ZNF805: variants seen among roughly 807,000 people sequenced by gnomAD.
The protein encoded by ZNF805 is zinc finger protein 805, also known as CTC-444N24.8.
ZNF805 carries 7 observed loss-of-function variants against 13.6 expected under a neutral mutation model. That is an observed-to-expected ratio of 0.51 (90% CI 0.29 to 0.97). The LOEUF (loss-of-function observed/expected upper bound fraction) is 0.97, where lower values mean the gene tolerates loss of function less well. Among genes scored for constraint, ZNF805 ranks in the 50% least tolerant of loss-of-function variants. ZNF805 has a pLI of 0.08. For missense variants in ZNF805, 604 were observed against 771.0 expected (o/e 0.78, Z 2.57); for synonymous variants, 293 against 279.8 (o/e 1.05, Z -0.47).
At chr19:57,243,113 G>A (rs1251880636) in intron 1 of ZNF805, among the ~76,000 whole-genome samples, 1 of 152,174 alleles carries the variant, frequency 6.6e-6, no homozygotes, top group Non-Finnish European at 1.5e-5. Context: ...CTACTTGGGC[G>A]GCTAAGGCAG....
chr19:57,247,089 T>G (rs1036635663), intron 2 of ZNF805, among the ~76,000 whole-genome samples: 1 of 151,524 alleles, frequency 6.6e-6, no homozygotes, highest in Non-Finnish European at 1.5e-5. Flanking sequence ...TGGAGTGCAG[T>G]GGTGCAAGAT....
In ZNF805 at chr19:57,253,799, G is replaced by A. The variant is rs763044963; in HGVS notation, c.980G>A (p.Arg327Lys). ...GAGTGTGGCAAAGCCTTTCGAGATAGGCCAGGTTTCATTCGACACTACATC... is the reference window on the plus strand; with the variant it reads ...GAGTGTGGCAAAGCCTTTCGAGATAAGCCAGGTTTCATTCGACACTACATC... ...CKECGKAFRD[R>K]PGFIRHYIIH... Residue 327 changes from arginine to lysine, a missense_variant, in exon 4 of 4, where the codon AGG becomes AAG. Coordinates refer to ENST00000414468, the MANE Select transcript of ZNF805 (RefSeq NM_001023563.4). This position sits in a 1 kb window ranked among gnomAD's most constrained non-coding sequence, Gnocchi z 4.4. 1 of 1,613,994 alleles carries A rather than the reference G, an allele frequency of 6.2e-7. No individual in the cohort carries two copies. Among genetic ancestry groups the A allele is most frequent in the Admixed American group, 1.7e-5 (1 of 60,022 alleles).
chr19:57,253,554 C>T lies in ZNF805; in HGVS notation c.735C>T (p.Tyr245=). The T allele has an allele frequency of 1.2e-6, 2 of 1,613,754 alleles. No homozygotes were observed. The highest frequency in any genetic ancestry group is 8.5e-7 in the Non-Finnish European group (1 of 1,179,806). The change falls in exon 4 of 4, where the codon TAC becomes TAT. Residue 245 remains tyrosine, a synonymous_variant. Coordinates refer to ENST00000414468, the MANE Select transcript of ZNF805 (RefSeq NM_001023563.4). The surrounding 1 kb of genome is among the most constrained non-coding windows in gnomAD (Gnocchi z 4.4). ...ECGKTFSKST[Y]LLQHHMVHTG... is the part of the protein sequence containing the mutation. ...GAAAAACCTTTAGCAAGAGTACATA[C>T]CTCCTGCAGCACCACATGGTCCACA...
rs766692795 is a variant in ZNF805, at chr19:57,254,051, G to A, written c.1232G>A (p.Arg411Gln). 1.7e-5 allele frequency: 28 copies of A among 1,612,102 alleles called. No individual in the cohort carries two copies. Among genetic ancestry groups the A allele is most frequent in the Admixed American group, 6.7e-5 (4 of 59,824 alleles). Reference sequence around the variant, plus strand: ...GAGTGTGGGAAGGCTTTCAACCACCGATCCTACCTCAAAAGGCACCAGCGG... The same window carrying A: ...GAGTGTGGGAAGGCTTTCAACCACCAATCCTACCTCAAAAGGCACCAGCGG... ...CLECGKAFNHRSYLKRHQRIH... is the reference protein window; with the variant it reads ...CLECGKAFNHQSYLKRHQRIH... Residue 411 changes from arginine to glutamine, a missense_variant, in exon 4 of 4, where the codon CGA becomes CAA. Arg to Gln is a conservative substitution (Grantham distance 43). Coordinates refer to ENST00000414468, the MANE Select transcript of ZNF805 (RefSeq NM_001023563.4).
chr19:57,240,962 T>C, intron 1 of ZNF805, 41 bp downstream of exon 1: 2 of 1,551,214 alleles, frequency 1.3e-6, no homozygotes, highest in Non-Finnish European at 1.7e-6. Context: ...TTTCTGCTAG[T>C]TCGGGGAAGC....
At position 57,257,732 on chromosome 19, in the gene ZNF805, GTT is replaced by G. The variant is rs1249855452; in HGVS notation, c.*3032_*3033del. Among the ~76,000 whole-genome samples, 9 of 62,792 alleles carry G rather than the reference GTT, an allele frequency of 1.4e-4. No individual in the cohort carries two copies. Among genetic ancestry groups the G allele is most frequent in the Non-Finnish European group, 6.3e-5 (2 of 31,968 alleles). The allele number at this position is 62,792 out of a possible 152,430, so 41.2% of individuals were successfully genotyped here. On this transcript the variant is annotated 3_prime_UTR_variant, in exon 4 of 4. Coordinates refer to ENST00000414468, the MANE Select transcript of ZNF805 (RefSeq NM_001023563.4). Reference sequence around the variant, plus strand: ...TTTTTTTTTTTTTTTTTGAGACGGAGTTTTGTTCTTGTTGCCCAGGCTGGAGT... The same window carrying G: ...TTTTTTTTTTTTTTTTTGAGACGGAGTTGTTCTTGTTGCCCAGGCTGGAGT...
Position 57,246,942 on chromosome 19 carries a change from A to G in ZNF805, c.158-1663A>G, listed in dbSNP as rs74849275. On this transcript the variant is annotated intron_variant, in intron 2 of 3. Coordinates refer to ENST00000414468, the MANE Select transcript of ZNF805 (RefSeq NM_001023563.4). ...AGCCACTCCTGTGAGTCCCTCATCC[A>G]GTTTAACTTACTCAGCACAGATGAA... Among the ~76,000 whole-genome samples, 930 of 152,258 alleles carry G rather than the reference A, an allele frequency of 6.1e-3. 5 individuals are homozygous for G. The highest frequency in any genetic ancestry group is 8.1e-3 in the Non-Finnish European group (548 of 68,030).
At chr19:57,251,420 C>T (rs1481352163) in intron 3 of ZNF805, among the ~76,000 whole-genome samples, 2 of 152,098 alleles carry the variant, frequency 1.3e-5, no homozygotes, top group African/African-American at 4.8e-5. Flanking sequence ...TCTATATTTT[C>T]TTCTGTGAGA....
Position 57,240,939 on chromosome 19 carries a change from C to T in ZNF805, c.30+18C>T, listed in dbSNP as rs544868620. The T allele has an allele frequency of 1.3e-5, 21 of 1,558,414 alleles. No homozygotes were observed. The South Asian group carries it at 1.7e-4, about 12-fold the overall frequency. On this transcript the variant is annotated intron_variant, in intron 1 of 3. Transcript: ENST00000414468. ...CGGCGCAGGTGAGTGGACAAGGTTT[C>T]GGCCTTGCTGCTTTTCTGCTAGTTC...
intron 2 of ZNF805, among the ~76,000 whole-genome samples, chr19:57,247,031 AC>A (rs2087623409): frequency 2.3e-5 from 2 of 86,210 alleles, no homozygotes; most frequent in Admixed American, 1.5e-4. Context: ...TCTCTTGTGA[AC>A]TTTTTTTTTT....
chr19:57,254,107 A>G lies in ZNF805; in HGVS notation c.1288A>G (p.Ser430Gly). 1.9e-6 allele frequency: 3 copies of G among 1,613,920 alleles called. No individual in the cohort carries two copies. Among genetic ancestry groups the G allele is most frequent in the Non-Finnish European group, 1.7e-6 (2 of 1,180,000 alleles). ...IHTGEKPYVC[S>G]ECGKAFTHCS... Reference sequence around the variant, plus strand: ...CACTGGGGAGAAGCCATATGTGTGTAGTGAATGCGGAAAGGCCTTCACCCA... The same window carrying G: ...CACTGGGGAGAAGCCATATGTGTGTGGTGAATGCGGAAAGGCCTTCACCCA... The change falls in exon 4 of 4, where the codon AGT (serine) becomes GGT (glycine). Residue 430 changes from serine (S) to glycine (G), a missense_variant. By Grantham distance (56) the Ser-to-Gly change is moderately conservative. Transcript: ENST00000414468.
Position 57,259,327 on chromosome 19 carries a change from TA to T in ZNF805, c.*4625del, listed in dbSNP as rs923467338. The stretch of plus-strand genomic sequence containing the variant: ...CAGAGGTCTCTTGTGCTTTCATGTT[TA>T]CCCCCTTTTTCTGGTCTATTTTTCC... On this transcript the variant is annotated 3_prime_UTR_variant, in exon 4 of 4. Transcript: ENST00000414468. Among the ~76,000 whole-genome samples the T allele has an allele frequency of 6.6e-6, 1 of 152,190 alleles. No individual in the cohort carries two copies. The highest frequency in any genetic ancestry group is 1.5e-5 in the Non-Finnish European group (1 of 68,042).
chr19:57,254,631 G>C lies in ZNF805; in HGVS notation c.1812G>C (p.Leu604Phe), dbSNP rs775124016. 2.7e-5 allele frequency: 44 copies of C among 1,614,062 alleles called. No individual in the cohort carries two copies. In the South Asian group the frequency reaches 2.9e-4, roughly 10 times the overall value. ...ATGTCACCACTGAGGAAAATCTTTT[G>C]CAAGAGGAAGCATCTTACATGGCAT... is the stretch of plus-strand genomic sequence containing the variant. Reference protein sequence around the residue: ...FLNVTTEENLLQEEASYMASD... With the variant: ...FLNVTTEENLFQEEASYMASD... Residue 604 changes from leucine (L) to phenylalanine (F), a missense_variant, in exon 4 of 4, where the codon TTG becomes TTC. This residue lies in a region of ZNF805 where 49 missense variants were observed against 40.0 expected (regional missense o/e 1.23). Coordinates refer to ENST00000414468, the MANE Select transcript of ZNF805 (RefSeq NM_001023563.4).
rs1372616571 is a variant in ZNF805 at position 57,260,866 on chromosome 19, A to C, written c.*6163A>C. Among the ~76,000 whole-genome samples the C allele has an allele frequency of 6.6e-6, 1 of 152,230 alleles. No individual in the cohort carries two copies. Among genetic ancestry groups the C allele is most frequent in the Non-Finnish European group, 1.5e-5 (1 of 68,048 alleles). On this transcript the variant is annotated 3_prime_UTR_variant, in exon 4 of 4. Coordinates refer to ENST00000414468, the MANE Select transcript of ZNF805 (RefSeq NM_001023563.4). ...TGGCCGTGGGGATGCACCCATAATC[A>C]TCATAAGAGAACACAAATTATTACT...
In ZNF805 at chr19:57,258,206, T is replaced by C. The variant is rs1369317125; in HGVS notation, c.*3503T>C. On this transcript the variant is annotated 3_prime_UTR_variant, in exon 4 of 4. Transcript: ENST00000414468. ...TTAGTAGAGACGGGGTTTCATCATGTTGGTCAGGCTGGTCTCAAACTCCTG... is the reference window on the plus strand; with the variant it reads ...TTAGTAGAGACGGGGTTTCATCATGCTGGTCAGGCTGGTCTCAAACTCCTG... Among the ~76,000 whole-genome samples, 1 of 151,772 alleles carries C rather than the reference T, an allele frequency of 6.6e-6. No homozygotes were observed. Among genetic ancestry groups the C allele is most frequent in the African/African-American group, 2.4e-5 (1 of 41,308 alleles).
chr19:57,243,678 C>T (rs924259291), intron 1 of ZNF805, among the ~76,000 whole-genome samples: 37 of 152,300 alleles, frequency 2.4e-4, no homozygotes, highest in Non-Finnish European at 7.3e-5. Context: ...GTCTACATCT[C>T]GCCATCCACG....
rs191952749 is a variant in ZNF805, at chr19:57,254,410, A to G, written c.1591A>G (p.Ile531Val). Reference protein sequence around the residue: ...CWSTNLIRHSIIHTGEKPYEC... With the variant: ...CWSTNLIRHSVIHTGEKPYEC... ...GAGCACAAACCTCATTCGACACTCT[A>G]TCATCCACACTGGAGAGAAGCCGTA... is the stretch of plus-strand genomic sequence containing the variant. The change falls in exon 4 of 4, where the codon ATC becomes GTC. Residue 531 changes from isoleucine to valine, a missense_variant. Coordinates refer to ENST00000414468, the MANE Select transcript of ZNF805 (RefSeq NM_001023563.4). The G allele has an allele frequency of 6.8e-6, 11 of 1,613,292 alleles. No individual in the cohort carries two copies. The highest frequency in any genetic ancestry group is 4.4e-5 in the South Asian group (4 of 91,022).
At chr19:57,250,627 G>T (rs2087646138) in intron 3 of ZNF805, among the ~76,000 whole-genome samples, 1 of 152,162 alleles carries the variant, frequency 6.6e-6, no homozygotes, top group South Asian at 2.1e-4. Context: ...TGTGCCTCTG[G>T]TCAGCTCTTT....
In ZNF805 at chr19:57,262,363, AGTCAGAGTCACAGTG is replaced by A; in HGVS notation, c.*7661_*7675del. The A allele has an allele frequency of 1.8e-5, 3 of 166,150 alleles. No homozygotes were observed. The allele number at this position is 166,150 out of a possible 1,614,324, so 10.3% of individuals were successfully genotyped here. On this transcript the variant is annotated 3_prime_UTR_variant, in exon 4 of 4. Transcript: ENST00000414468. ...CATTGTAACCAAGAAAAAAAAAAAA[AGTCAGAGTCACAGTG>A]AAAATACTTAACAAACTAGCCAGGA...
Sources: gnomAD v4.1 joint callset for allele counts (sites outside exome capture counted in the v4.1 genomes callset) on GRCh38, gnomAD v4.1.1 for gene constraint, gnomAD v4.1.1 regional missense constraint, Gnocchi (gnomAD v3.1) non-coding constraint, MANE v1.5 for transcripts, NCBI Gene and HGNC (gene_info 2026-07-23, HGNC 2026-07-21) for gene names.